C12orf76: variants seen among roughly 807,000 people sequenced by gnomAD.
The protein encoded by C12orf76 is chromosome 12 open reading frame 76.
C12orf76 carries 6 observed loss-of-function variants against 6.8 expected under a neutral mutation model. The observed-to-expected ratio is 0.88, with a 90% CI of 0.48 to 1.73. C12orf76 has a LOEUF of 1.73. C12orf76 is among the 40% of genes most tolerant of loss of function. The probability of loss-of-function intolerance (pLI) is 0.01; values close to 1 mark genes in which losing one functional copy is unlikely to be tolerated. For missense variants in C12orf76, 99 were observed against 98.2 expected (o/e 1.01, Z -0.03); for synonymous variants, 56 against 43.7 (o/e 1.28, Z -1.11).
intron 4 of C12orf76, among the ~76,000 whole-genome samples, chr12:110,056,433 A>C (rs758236813): frequency 4.6e-5 from 7 of 152,098 alleles, no homozygotes; most frequent in Middle Eastern, 3.4e-3. Context: ...GAAGCTGAGG[A>C]TTTTACTGGG....
chr12:110,042,423 G>A lies in C12orf76; in HGVS notation c.170C>T (p.Thr57Ile). ...GACACAAAATGCCATAAGGATGACA[G>A]TCACCAGCAGGATGCTGAAAATGGT... ...MGTIFSILLVTVILMAFCVYK... is the reference protein window; with the variant it reads ...MGTIFSILLVIVILMAFCVYK... Residue 57 changes from threonine (T) to isoleucine (I), a missense_variant, in exon 2 of 2, where the codon ACT (threonine) becomes ATT (isoleucine). Physicochemically the swap from Thr to Ile is moderately conservative, Grantham distance 89 (BLOSUM62 -1). Coordinates refer to ENST00000615315, the MANE Select transcript of C12orf76 (RefSeq NM_001389625.1). The A allele has an allele frequency of 3.1e-6, 5 of 1,614,130 alleles. No homozygotes were observed. The highest frequency in any genetic ancestry group is 4.2e-6 in the Non-Finnish European group (5 of 1,179,932).
chr12:110,048,237 G>T (rs1330519016), intron 1 of C12orf76, 126 bp downstream of exon 1: 26 of 1,218,258 alleles, frequency 2.1e-5, no homozygotes, highest in Non-Finnish European at 2.8e-5. Context: ...GGCCTCACCT[G>T]CACCCCCCGC....
At chr12:110,052,387 G>A (rs1892594394), upstream of C12orf76, among the ~76,000 whole-genome samples, 1 of 151,862 alleles carries the variant, frequency 6.6e-6, no homozygotes, top group Admixed American at 6.6e-5. Context: ...CTAGAAACAG[G>A]GGTCTCTTTA....
rs1477470838 is a variant in C12orf76 at position 110,041,464 on chromosome 12, C to T, written c.*910G>A. On this transcript the variant is annotated 3_prime_UTR_variant, in exon 2 of 2. Transcript: ENST00000615315. Reference sequence around the variant, plus strand: ...AATAGGAGGAAAAAATCCAGTTCACCAACAGTGGAAACTAATAGCAGCATT... The same window carrying T: ...AATAGGAGGAAAAAATCCAGTTCACTAACAGTGGAAACTAATAGCAGCATT... 6.6e-6 allele frequency: 1 copy of T among 152,468 alleles called. No individual in the cohort carries two copies. Among genetic ancestry groups the T allele is most frequent in the Non-Finnish European group, 1.5e-5 (1 of 68,034 alleles). 9.4% of individuals were successfully genotyped at this position (152,468 alleles called of 1,614,324 possible).
intron 2 of C12orf76, among the ~76,000 whole-genome samples, chr12:110,062,475 G>A (rs1566078211): frequency 6.6e-6 from 1 of 152,054 alleles, no homozygotes; most frequent in Non-Finnish European, 1.5e-5. Flanking sequence ...TTACTAGGCT[G>A]ATGAAATGTT....
At chr12:110,069,176 C>T (rs959002854), upstream of C12orf76, among the ~76,000 whole-genome samples, 2 of 152,218 alleles carry the variant, frequency 1.3e-5, no homozygotes, top group African/African-American at 2.4e-5. Context: ...CACGGTGCCT[C>T]ACGCCTGTAA....
In C12orf76 at chr12:110,066,077, T is replaced by C. The variant is rs941607818; in HGVS notation, n.207-44A>G. On this transcript the variant is annotated intron_variant and non_coding_transcript_variant, in intron 1 of 4. Transcript: ENST00000309050. ...ATGAGAATGTGGCAGACCTCATGTTTCTATTTCCCCGAAGATGGTCAGGGG... is the reference window on the plus strand; with the variant it reads ...ATGAGAATGTGGCAGACCTCATGTTCCTATTTCCCCGAAGATGGTCAGGGG... 8 of 1,467,690 alleles carry C rather than the reference T, an allele frequency of 5.5e-6. No homozygotes were observed. The African/African-American group carries it at 1.1e-4, about 21-fold the overall frequency. The allele number at this position is 1,467,690 out of a possible 1,614,324, so 90.9% of individuals were successfully genotyped here. A position where few individuals can be genotyped will look rare whatever the true frequency, so the allele number is the denominator to read the frequency against.
intron 3 of C12orf76, among the ~76,000 whole-genome samples, chr12:110,058,294 T>C (rs1398896398): frequency 1.3e-5 from 2 of 152,192 alleles, no homozygotes; most frequent in Admixed American, 1.3e-4. Context: ...AGTAAAGATA[T>C]CTGTGATAAA....
At chr12:110,046,256 T>C (rs1892446215) in intron 1 of C12orf76, among the ~76,000 whole-genome samples, 1 of 151,980 alleles carries the variant, frequency 6.6e-6, no homozygotes, top group Non-Finnish European at 1.5e-5. Flanking sequence ...TGAAACCCCA[T>C]CTCTACTAAA....
At chr12:110,064,200 C>A (rs999315179) in intron 2 of C12orf76, among the ~76,000 whole-genome samples, 1 of 152,186 alleles carries the variant, frequency 6.6e-6, no homozygotes, top group African/African-American at 2.4e-5. Flanking sequence ...TCCCTCTATT[C>A]CTGAATTTGA....
intron 2 of C12orf76, among the ~76,000 whole-genome samples, chr12:110,060,890 C>T (rs1892759927): frequency 6.6e-6 from 1 of 151,990 alleles, no homozygotes; most frequent in South Asian, 2.1e-4. Flanking sequence ...ACAAAATTAG[C>T]CAGGTGTGGT....
chr12:110,048,668 G>A, upstream of C12orf76: 1 of 1,270,988 alleles, frequency 7.9e-7, no homozygotes. Flanking sequence ...CCGGATTAAC[G>A]TTCCTCAATA....
intron 2 of C12orf76, among the ~76,000 whole-genome samples, chr12:110,063,995 C>T (rs1892819809): frequency 6.6e-6 from 1 of 152,148 alleles, no homozygotes; most frequent in South Asian, 2.1e-4. Flanking sequence ...AGAACTCAGC[C>T]CGCTGATGCC....
Position 110,054,496 on chromosome 12 carries a change from A to G in C12orf76, n.664+2693T>C, listed in dbSNP as rs1253292777. 6.6e-6 allele frequency among the ~76,000 whole-genome samples: 1 copy of G among 152,224 alleles called. No homozygotes were observed. The highest frequency in any genetic ancestry group is 1.5e-5 in the Non-Finnish European group (1 of 68,042). On this transcript the variant is annotated intron_variant and non_coding_transcript_variant, in intron 4 of 4. Coordinates refer to the C12orf76 transcript ENST00000309050. The surrounding 1 kb of genome is among the most constrained non-coding windows in gnomAD (Gnocchi z 4.4). ...ACTCCATTTATATGAAATACCCAGA[A>G]TAGGTAAATCCATAGAGACAGAGAG...
upstream of C12orf76, among the ~76,000 whole-genome samples, chr12:110,068,325 GAA>G (rs1566080327): frequency 2.8e-3 from 372 of 134,254 alleles, 5 homozygotes; most frequent in African/African-American, 9.1e-3. Flanking sequence ...AGAAGAAGAA[GAA>G]GAAGGCGGCC....
upstream of C12orf76, among the ~76,000 whole-genome samples, chr12:110,068,257 AAGAAGAAGAAGAAGAAGAAG>A (rs1892905058): frequency 1.6e-5 from 1 of 64,436 alleles, no homozygotes; most frequent in African/African-American, 6.4e-5. Flanking sequence ...AAAGAAGAAG[AAGAAGAAGAAGAAGAAGAAG>A]AAGAAGAAGA....
intron 2 of C12orf76, among the ~76,000 whole-genome samples, chr12:110,064,055 T>C (rs914726960): frequency 3.9e-5 from 6 of 152,166 alleles, no homozygotes; most frequent in African/African-American, 1.4e-4. Context: ...GTGTAACAAA[T>C]AGAAACTCAT....
chr12:110,048,930 CCAGACAT>C (rs1892524318), upstream of C12orf76: 1 of 154,330 alleles, frequency 6.5e-6, no homozygotes, highest in Non-Finnish European at 1.4e-5. Context: ...GAGCCCTTGC[CCAGACAT>C]CCTTTTCTAA....
chr12:110,072,797 C>T (rs1420035693), intron 1 of C12orf76, among the ~76,000 whole-genome samples: 1 of 151,676 alleles, frequency 6.6e-6, no homozygotes, highest in Non-Finnish European at 1.5e-5. Flanking sequence ...GTGGCAGGCA[C>T]CTGTAATCCC....
Sources: gnomAD v4.1 joint callset for allele counts (sites outside exome capture counted in the v4.1 genomes callset) on GRCh38, gnomAD v4.1.1 for gene constraint, Gnocchi (gnomAD v3.1) non-coding constraint, MANE v1.5 for transcripts, NCBI Gene and HGNC (gene_info 2026-07-23, HGNC 2026-07-21) for gene names.